The following RALA variants were observed in gnomAD, a reference collection of about 807,000 sequenced individuals.
RALA encodes the protein ras-related protein Ral-A.
In RALA, 5 loss-of-function variants were observed where a neutral mutation model predicts 24.0. The observed-to-expected ratio is 0.21, with a 90% confidence interval of 0.11 to 0.44. RALA has a LOEUF of 0.44. Ranked by LOEUF, RALA falls within the 20% of genes least tolerant of loss-of-function variation. The probability of loss-of-function intolerance (pLI) is 0.99; values close to 1 mark genes in which losing one functional copy is unlikely to be tolerated. For missense variants in RALA, 95 were observed against 241.2 expected (o/e 0.39, Z 4.01); for synonymous variants, 77 against 83.8 (o/e 0.92, Z 0.44).
chr7:39,687,382 G>A (rs1792724963), intron 2 of RALA, among the ~76,000 whole-genome samples: 4 of 151,338 alleles, frequency 2.6e-5, no homozygotes, highest in Admixed American at 6.6e-5. Flanking sequence ...AGCCGAGATC[G>A]CGCCACTGCA....
At chr7:39,692,555 C>A (rs767397435) in intron 3 of RALA, among the ~76,000 whole-genome samples, 1 of 151,960 alleles carries the variant, frequency 6.6e-6, no homozygotes, top group Admixed American at 6.6e-5. Flanking sequence ...AAGTTTATAC[C>A]GTAGAATTAC....
At position 39,707,860 on chromosome 7, in the gene RALA, A is replaced by G. The variant is rs1793146665; in HGVS notation, c.*1615A>G. 6.6e-6 allele frequency: 1 copy of G among 152,646 alleles called. No homozygotes were observed. Among genetic ancestry groups the G allele is most frequent in the Non-Finnish European group, 1.5e-5 (1 of 68,040 alleles). The allele number at this position is 152,646 out of a possible 1,614,324, so 9.5% of individuals were successfully genotyped here. ...TTTCGTATTTCTCATAGGCTATGCC[A>G]TGTGCGGAATTCAAGTTACCAATGT... On this transcript the variant is annotated 3_prime_UTR_variant, in exon 5 of 5. Coordinates refer to ENST00000005257, the MANE Select transcript of RALA (RefSeq NM_005402.4).
At chr7:39,661,217 A>C (rs1313791064) in intron 1 of RALA, among the ~76,000 whole-genome samples, 1 of 152,198 alleles carries the variant, frequency 6.6e-6, no homozygotes, top group African/African-American at 2.4e-5. Flanking sequence ...GGGAGCTACA[A>C]TTCAAGTTGA....
At chr7:39,658,212 C>T (rs1792128549) in intron 1 of RALA, among the ~76,000 whole-genome samples, 1 of 152,200 alleles carries the variant, frequency 6.6e-6, no homozygotes, top group South Asian at 2.1e-4. Context: ...TCATCCTAGA[C>T]ATAACAGTGG....
rs369886567 is a variant in RALA at position 39,634,861 on chromosome 7, T to C, written c.-38+11036T>C. On this transcript the variant is annotated intron_variant, in intron 1 of 4. Coordinates refer to ENST00000005257, the MANE Select transcript of RALA (RefSeq NM_005402.4). ...CCAGTTCATAAAATCCATTTCTTTG[T>C]TTTGTTAAAGTTTCTACTTATCTGG... is the stretch of plus-strand genomic sequence containing the variant. 2.4e-4 allele frequency among the ~76,000 whole-genome samples: 36 copies of C among 152,342 alleles called. No individual in the cohort carries two copies. The East Asian group carries it at 6.2e-3, about 26-fold the overall frequency.
intron 1 of RALA, among the ~76,000 whole-genome samples, chr7:39,661,409 CTG>C (rs1792188181): frequency 6.6e-6 from 1 of 152,228 alleles, no homozygotes; most frequent in South Asian, 2.1e-4. Flanking sequence ...TCCCTTCAGC[CTG>C]TGAGTCTGTA....
chr7:39,639,482 G>A (rs1410128126), intron 1 of RALA, among the ~76,000 whole-genome samples: 1 of 152,184 alleles, frequency 6.6e-6, no homozygotes, highest in Non-Finnish European at 1.5e-5. Flanking sequence ...TTGAGCCCAA[G>A]AGTTTGAGGC....
chr7:39,629,009 A>C (rs150310183), intron 1 of RALA, among the ~76,000 whole-genome samples: 1 of 152,354 alleles, frequency 6.6e-6, no homozygotes, highest in East Asian at 1.9e-4. Flanking sequence ...TTCTCGACTA[A>C]TGTCCTGTTT....
rs201537673 is a variant in RALA at position 39,690,492 on chromosome 7, C to T, written c.225C>T (p.Tyr75=). 31 of 1,613,886 alleles carry T rather than the reference C, an allele frequency of 1.9e-5. No individual in the cohort carries two copies. Among genetic ancestry groups the T allele is most frequent in the Non-Finnish European group, 2.4e-5 (28 of 1,179,788 alleles). The change falls in exon 3 of 5, where the codon TAC becomes TAT. Residue 75 remains tyrosine, a synonymous_variant. Coordinates refer to ENST00000005257, the MANE Select transcript of RALA (RefSeq NM_005402.4). ...DILDTAGQED[Y]AAIRDNYFRS... is the part of the protein sequence containing the mutation. ...TAGATACAGCTGGGCAGGAGGACTACGCTGCAATTAGAGACAACTACTTCC... is the reference window on the plus strand; with the variant it reads ...TAGATACAGCTGGGCAGGAGGACTATGCTGCAATTAGAGACAACTACTTCC...
chr7:39,679,752 C>T (rs567945660), intron 1 of RALA, among the ~76,000 whole-genome samples: 2 of 152,030 alleles, frequency 1.3e-5, no homozygotes, highest in South Asian at 4.1e-4. Context: ...TCTCTGTTGC[C>T]CAGGCTGGAG....
chr7:39,699,886 G>T (rs1792992725), intron 4 of RALA, among the ~76,000 whole-genome samples: 1 of 152,146 alleles, frequency 6.6e-6, no homozygotes, highest in African/African-American at 2.4e-5. Context: ...GAGCTGTGCA[G>T]ATTTTTTTTT....
chr7:39,690,339 A>T, intron 2 of RALA, 43 bp from the exon 3 acceptor site: 1 of 1,519,566 alleles, frequency 6.6e-7, no homozygotes, highest in Non-Finnish European at 9.0e-7. Context: ...ATAAGTTTTG[A>T]AACGTAATAA....
intron 1 of RALA, among the ~76,000 whole-genome samples, chr7:39,650,403 A>T (rs1412756446): frequency 6.6e-6 from 1 of 152,240 alleles, no homozygotes; most frequent in South Asian, 2.1e-4. Flanking sequence ...TAAAATATTT[A>T]CTAGAAAGAG....
intron 1 of RALA, among the ~76,000 whole-genome samples, chr7:39,658,339 T>C (rs906808509): frequency 2.6e-5 from 4 of 152,194 alleles, no homozygotes; most frequent in Non-Finnish European, 4.4e-5. Flanking sequence ...CCTAGTGTTA[T>C]CAATACTTCG....
At chr7:39,684,855 T>G (rs1792670717) in intron 1 of RALA, among the ~76,000 whole-genome samples, 1 of 152,132 alleles carries the variant, frequency 6.6e-6, no homozygotes, top group African/African-American at 2.4e-5. Flanking sequence ...CAGGGTTAAG[T>G]CAGACTGCAA....
At chr7:39,625,639 G>A (rs1167884220) in intron 1 of RALA, among the ~76,000 whole-genome samples, 3 of 152,212 alleles carry the variant, frequency 2.0e-5, no homozygotes, top group African/African-American at 7.2e-5. Context: ...TTTGCTGAGT[G>A]TGCAATAATA....
At chr7:39,673,416 C>T (rs1314996094) in intron 1 of RALA, among the ~76,000 whole-genome samples, 2 of 152,044 alleles carry the variant, frequency 1.3e-5, no homozygotes, top group Non-Finnish European at 2.9e-5. Context: ...TTCATTTATT[C>T]AAGTCATGCT....
intron 1 of RALA, among the ~76,000 whole-genome samples, chr7:39,629,720 C>T (rs565193927): frequency 3.3e-5 from 5 of 152,056 alleles, no homozygotes; most frequent in African/African-American, 9.7e-5. Flanking sequence ...CTCAGCCTCC[C>T]GAGTAGCTGG....
At chr7:39,661,589 A>G (rs148668533) in intron 1 of RALA, among the ~76,000 whole-genome samples, 2,519 of 152,330 alleles carry the variant, frequency 0.017, 30 homozygotes, top group Non-Finnish European at 0.029. Context: ...CTTTGACTCC[A>G]TGTCTCACAT....
Sources: allele counts gnomAD v4.1 joint callset (sites outside exome capture counted in the v4.1 genomes callset), GRCh38; gene constraint gnomAD v4.1.1; transcripts MANE v1.5; gene names NCBI Gene and HGNC (gene_info 2026-07-23, HGNC 2026-07-21).